Variants in JDP2 observed in about 807,000 individuals in gnomAD.
The protein encoded by JDP2 is progesterone receptor co-activator.
Under a neutral mutation model 17.1 loss-of-function variants are expected in JDP2, and 9 were observed. That is an observed-to-expected ratio of 0.53 (90% CI 0.32 to 0.92). JDP2 has a LOEUF of 0.92. Among genes scored for constraint, JDP2 ranks in the 40% least tolerant of loss-of-function variants. JDP2 has a pLI of 0.04. For synonymous variants in JDP2, 107 were observed against 95.6 expected, an observed-to-expected ratio of 1.12 and a Z score of -0.69; for missense variants, 179 against 220.0, an observed-to-expected ratio of 0.81 and a Z score of 1.18.
At chr14:75,459,897 G>A (rs1430688818) in intron 2 of JDP2, among the ~76,000 whole-genome samples, 2 of 152,212 alleles carry the variant, frequency 1.3e-5, no homozygotes, top group African/African-American at 2.4e-5. Flanking sequence ...GTGGTCAGGA[G>A]CAGGGTGCTT....
chr14:75,450,786 A>G lies in JDP2; in HGVS notation c.202-10640A>G, dbSNP rs183267940. 2.6e-5 allele frequency among the ~76,000 whole-genome samples: 4 copies of G among 152,326 alleles called. No homozygotes were observed. The East Asian group carries it at 7.7e-4, about 29-fold the overall frequency. ...CACGCAAGGTGCTGAGCACACAAAA[A>G]GTCAACAAGATGCAGACTTTGCCCT... On this transcript the variant is annotated intron_variant, in intron 2 of 3. Coordinates refer to ENST00000651602, the MANE Select transcript of JDP2 (RefSeq NM_001135048.2).
At chr14:75,435,505 G>A (rs953025594) in intron 1 of JDP2, among the ~76,000 whole-genome samples, 4 of 152,172 alleles carry the variant, frequency 2.6e-5, no homozygotes, top group African/African-American at 9.7e-5. Context: ...TTCTGCTGAA[G>A]GCGTCGTTAC....
At chr14:75,456,321 C>G (rs1384877347) in intron 2 of JDP2, among the ~76,000 whole-genome samples, 2 of 152,192 alleles carry the variant, frequency 1.3e-5, no homozygotes, top group Non-Finnish European at 2.9e-5. Context: ...CTCTGTGTCT[C>G]TCTCTCCCCT....
At chr14:75,468,465 A>G (rs192111817) in intron 3 of JDP2, among the ~76,000 whole-genome samples, 164 of 152,292 alleles carry the variant, frequency 1.1e-3, no homozygotes, top group Admixed American at 3.5e-3. Flanking sequence ...ATGCTGTTTT[A>G]CTGTTCAATC....
At chr14:75,432,653 A>C (rs981960125) in intron 1 of JDP2, among the ~76,000 whole-genome samples, 1 of 152,222 alleles carries the variant, frequency 6.6e-6, no homozygotes, top group African/African-American at 2.4e-5. Context: ...TGGCAGCCCA[A>C]GCCAGCTGCT....
Position 75,428,963 on chromosome 14 carries a change from C to T in JDP2, c.-24+711C>T, listed in dbSNP as rs374662205. ...GTAACCAGCCTCTCCCTTGCCCAGC[C>T]CAGCTTAGAAGGCTCTCCTCTGCTC... On this transcript the variant is annotated intron_variant, in intron 1 of 3. Transcript: ENST00000651602. The surrounding 1 kb of genome is among the most constrained non-coding windows in gnomAD (Gnocchi z 5.6). Among the ~76,000 whole-genome samples the T allele has an allele frequency of 3.9e-5, 6 of 151,970 alleles. No homozygotes were observed. In the East Asian group the frequency reaches 1.2e-3, roughly 30 times the overall value.
At position 75,464,575 on chromosome 14, in the gene JDP2, C is replaced by T. The variant is rs146907158; in HGVS notation, c.306+3045C>T. Among the ~76,000 whole-genome samples, 603 of 152,322 alleles carry T rather than the reference C, an allele frequency of 4.0e-3. 3 individuals carry two copies. Among genetic ancestry groups the T allele is most frequent in the Non-Finnish European group, 6.3e-3 (426 of 68,024 alleles). On this transcript the variant is annotated intron_variant, in intron 3 of 3. Coordinates refer to ENST00000651602, the MANE Select transcript of JDP2 (RefSeq NM_001135048.2). ...CGCCATTTTATGTAAGAAACTTGAG[C>T]ATCCTCGGATTTTGGTATCCTCGGG...
At chr14:75,456,035 C>T (rs2139984375) in intron 2 of JDP2, among the ~76,000 whole-genome samples, 1 of 152,276 alleles carries the variant, frequency 6.6e-6, no homozygotes, top group Non-Finnish European at 1.5e-5. Context: ...CTCCATTAGC[C>T]CCTGGCATCA....
intron 2 of JDP2, among the ~76,000 whole-genome samples, chr14:75,458,743 A>G (rs1594970352): frequency 6.6e-6 from 1 of 152,336 alleles, no homozygotes; most frequent in Non-Finnish European, 1.5e-5. Flanking sequence ...AGCTGATTCT[A>G]TCTGGGGAGT....
Position 75,428,160 on chromosome 14 carries a change from C to A in JDP2, c.-116C>A. On this transcript the variant is annotated 5_prime_UTR_variant, in exon 1 of 4. Coordinates refer to ENST00000651602, the MANE Select transcript of JDP2 (RefSeq NM_001135048.2). This position sits in a 1 kb window ranked among gnomAD's most constrained non-coding sequence, Gnocchi z 5.6. ...ACAGGCCTGGGCACCGGGCGGAGCT[C>A]CGCGGCCGGGCGGCAGCGGCGCGGA... The A allele has an allele frequency of 6.8e-6, 1 of 146,090 alleles. No homozygotes were observed. Among genetic ancestry groups the A allele is most frequent in the South Asian group, 2.0e-4 (1 of 4,932 alleles). 9.0% of individuals were successfully genotyped at this position (146,090 alleles called of 1,614,324 possible).
chr14:75,455,871 G>A (rs1365092177), intron 2 of JDP2, among the ~76,000 whole-genome samples: 1 of 152,168 alleles, frequency 6.6e-6, no homozygotes, highest in Non-Finnish European at 1.5e-5. Flanking sequence ...TAGTCCAGGG[G>A]CTTTGGTACC....
Position 75,461,542 on chromosome 14 carries a change from G to A in JDP2, c.306+12G>A, listed in dbSNP as rs912241931. ...AGTTTCTGCAGCGGGTGAGCTGACC[G>A]GGTGGGTGGGGAGGCCTGCCATTCC... On this transcript the variant is annotated intron_variant, in intron 3 of 3. Transcript: ENST00000651602. 73 of 1,582,378 alleles carry A rather than the reference G, an allele frequency of 4.6e-5. No homozygotes were observed. The highest frequency in any genetic ancestry group is 5.7e-5 in the Non-Finnish European group (66 of 1,164,598).
chr14:75,449,726 T>G (rs533845482), intron 2 of JDP2, among the ~76,000 whole-genome samples: 1 of 152,248 alleles, frequency 6.6e-6, no homozygotes, highest in African/African-American at 2.4e-5. Flanking sequence ...CAAATAGCTC[T>G]TCTCTAGCAA....
Position 75,472,138 on chromosome 14 carries a change from A to G in JDP2, c.*2663A>G, listed in dbSNP as rs1185439079. 1 of 152,216 alleles carries G rather than the reference A, an allele frequency of 6.6e-6. No individual in the cohort carries two copies. Among genetic ancestry groups the G allele is most frequent in the African/African-American group, 2.4e-5 (1 of 41,452 alleles). The allele number at this position is 152,216 out of a possible 1,614,324, so 9.4% of individuals were successfully genotyped here. On this transcript the variant is annotated 3_prime_UTR_variant, in exon 4 of 4. Coordinates refer to ENST00000651602, the MANE Select transcript of JDP2 (RefSeq NM_001135048.2). Reference sequence around the variant, plus strand: ...AAGTCACAATTATAGGCTTCATTGCAAGAGCCAGCATTTGAGTTTCTTCTG... The same window carrying G: ...AAGTCACAATTATAGGCTTCATTGCGAGAGCCAGCATTTGAGTTTCTTCTG...
At chr14:75,432,118 A>T in intron 1 of JDP2, 1 of 593,252 alleles carries the variant, frequency 1.7e-6, no homozygotes, top group South Asian at 2.0e-5. Flanking sequence ...TGGCCTGCAG[A>T]GCTGGGGACA....
Position 75,456,886 on chromosome 14 carries a change from G to A in JDP2, c.202-4540G>A, listed in dbSNP as rs534685629. The stretch of plus-strand genomic sequence containing the variant: ...GTCTGAGGAGGGGTCTGGGTGAGGC[G>A]GGGCTGCTCTGCACGAGGGCCCTCT... On this transcript the variant is annotated intron_variant, in intron 2 of 3. Transcript: ENST00000651602. 8.5e-5 allele frequency among the ~76,000 whole-genome samples: 13 copies of A among 152,298 alleles called. No homozygotes were observed. In the East Asian group the frequency reaches 9.7e-4, roughly 11 times the overall value.
intron 2 of JDP2, among the ~76,000 whole-genome samples, chr14:75,454,714 T>G (rs941168102): frequency 6.6e-6 from 1 of 151,904 alleles, no homozygotes; most frequent in Non-Finnish European, 1.5e-5. Context: ...TTTGGGGTGG[T>G]CAGTAAAGAC....
chr14:75,427,381 G>C (rs1338251866), upstream of JDP2: 1 of 152,450 alleles, frequency 6.6e-6, no homozygotes, highest in African/African-American at 2.4e-5. The surrounding 1 kb of genome is among the most constrained non-coding windows in gnomAD (Gnocchi z 4.4). Context: ...GGGGGCCGGT[G>C]GGTAGGGGTA....
intron 1 of JDP2, among the ~76,000 whole-genome samples, chr14:75,437,149 G>A (rs532060817): frequency 4.8e-5 from 7 of 145,588 alleles, no homozygotes; most frequent in Middle Eastern, 3.9e-3. Context: ...AGCTGAGATC[G>A]TGCCACTGCA....
Sources: allele counts gnomAD v4.1 joint callset (sites outside exome capture counted in the v4.1 genomes callset), GRCh38; gene constraint gnomAD v4.1.1; non-coding constraint Gnocchi (gnomAD v3.1); transcripts MANE v1.5; gene names NCBI Gene and HGNC (gene_info 2026-07-23, HGNC 2026-07-21).